ENOX1: variants seen among roughly 807,000 people sequenced by gnomAD.
ENOX1 encodes the protein candidate growth-related and time keeping constitutive hydroquinone (NADH) oxidase.
In ENOX1, 42 loss-of-function variants were observed where a neutral mutation model predicts 82.5. The ratio of observed to expected loss-of-function variants is 0.51; its 90% confidence interval spans 0.40 to 0.66. ENOX1 has a LOEUF of 0.66. Among genes scored for constraint, ENOX1 ranks in the 30% least tolerant of loss-of-function variants. The probability of loss-of-function intolerance (pLI) is 0.00; values close to 1 mark genes in which losing one functional copy is unlikely to be tolerated. For missense variants in ENOX1, 608 were observed against 811.6 expected (o/e 0.75, Z 3.05); for synonymous variants, 271 against 282.2 (o/e 0.96, Z 0.40).
chr13:43,488,433 C>T (rs1392769254), intron 2 of ENOX1, among the ~76,000 whole-genome samples: 1 of 152,194 alleles, frequency 6.6e-6, no homozygotes, highest in Non-Finnish European at 1.5e-5. Flanking sequence ...ACTTTCTAGC[C>T]TCCAGGACTG....
intron 2 of ENOX1, among the ~76,000 whole-genome samples, chr13:43,635,307 C>A (rs186700629): frequency 4.5e-4 from 69 of 152,220 alleles, no homozygotes; most frequent in Admixed American, 8.5e-4. Flanking sequence ...TTTGGTGCCA[C>A]CAGAAGAGAG....
intron 2 of ENOX1, among the ~76,000 whole-genome samples, chr13:43,665,709 TCTGCTAC>T (rs1378718065): frequency 0.013 from 1,979 of 151,816 alleles, 42 homozygotes; most frequent in African/African-American, 0.045. Flanking sequence ...AAAAACCCCA[TCTGCTAC>T]TAATTTTAAA....
intron 2 of ENOX1, among the ~76,000 whole-genome samples, chr13:43,623,682 TCA>T (rs1057259749): frequency 2.0e-5 from 3 of 152,092 alleles, no homozygotes; most frequent in Non-Finnish European, 4.4e-5. Flanking sequence ...GAGCTAAAAT[TCA>T]CAGTGTGAGT....
intron 11 of ENOX1, among the ~76,000 whole-genome samples, chr13:43,312,741 G>T (rs76484740): frequency 0.017 from 2,528 of 152,190 alleles, 51 homozygotes; most frequent in African/African-American, 0.057. Context: ...CAAATGGGTG[G>T]TACCAATTTC....
At chr13:43,672,086 T>A (rs1320210338) in intron 1 of ENOX1, among the ~76,000 whole-genome samples, 1 of 152,154 alleles carries the variant, frequency 6.6e-6, no homozygotes, top group Non-Finnish European at 1.5e-5. Flanking sequence ...TTTAGAAACC[T>A]ACCCAATCTA....
chr13:43,657,117 T>C (rs2084473310), intron 2 of ENOX1, among the ~76,000 whole-genome samples: 1 of 152,192 alleles, frequency 6.6e-6, no homozygotes, highest in Admixed American at 6.5e-5. Flanking sequence ...TGTCATCTCA[T>C]CTCATAAAAA....
chr13:43,597,063 C>G (rs547683903), intron 2 of ENOX1, among the ~76,000 whole-genome samples: 2 of 152,028 alleles, frequency 1.3e-5, no homozygotes, highest in South Asian at 4.2e-4. Context: ...CGTCAGAAGG[C>G]GAAGGGGAAG....
chr13:43,549,714 G>C (rs2079110557), intron 2 of ENOX1, among the ~76,000 whole-genome samples: 1 of 152,174 alleles, frequency 6.6e-6, no homozygotes, highest in Admixed American at 6.5e-5. Context: ...TATGCTCTGA[G>C]CCTAATGCTC....
chr13:43,493,160 A>G (rs1593473629), intron 2 of ENOX1, among the ~76,000 whole-genome samples: 1 of 149,886 alleles, frequency 6.7e-6, no homozygotes, highest in South Asian at 2.1e-4. Context: ...CCCCCCTCCC[A>G]CTCCCTCTCC....
At chr13:43,223,025 T>C (rs2041867658) in intron 16 of ENOX1, among the ~76,000 whole-genome samples, 1 of 152,180 alleles carries the variant, frequency 6.6e-6, no homozygotes, top group Admixed American at 6.5e-5. Flanking sequence ...TTAGATCCAT[T>C]TAAGAGGTTA....
chr13:43,538,149 G>A (rs920841691), intron 2 of ENOX1, among the ~76,000 whole-genome samples: 5 of 152,274 alleles, frequency 3.3e-5, no homozygotes, highest in South Asian at 4.2e-4. Context: ...GTGTGTGCAC[G>A]CTGATATAGC....
intron 1 of ENOX1, among the ~76,000 whole-genome samples, chr13:43,683,386 G>C (rs893219973): frequency 6.6e-6 from 1 of 152,124 alleles, no homozygotes; most frequent in Non-Finnish European, 1.5e-5. Context: ...CTGGTGATGG[G>C]GAGAGATGCA....
chr13:43,725,451 C>T (rs553488639), intron 1 of ENOX1, among the ~76,000 whole-genome samples: 4 of 152,224 alleles, frequency 2.6e-5, no homozygotes, highest in Non-Finnish European at 5.9e-5. Context: ...GGGACTTAAA[C>T]AGAGGGACCT....
At chr13:43,580,336 G>A (rs999613338) in intron 2 of ENOX1, among the ~76,000 whole-genome samples, 1 of 152,144 alleles carries the variant, frequency 6.6e-6, no homozygotes, top group Admixed American at 6.5e-5. Context: ...TTTGTAAACA[G>A]TGGACACTTT....
intron 15 of ENOX1, among the ~76,000 whole-genome samples, chr13:43,235,699 TCCAGCCTGGGC>T (rs2042508780): frequency 6.9e-6 from 1 of 144,628 alleles, no homozygotes; most frequent in Non-Finnish European, 1.5e-5. Flanking sequence ...GCCATTGCAC[TCCAGCCTGGGC>T]AACAGAGTGA....
chr13:43,292,939 A>G (rs9567144), intron 12 of ENOX1, among the ~76,000 whole-genome samples: 75,554 of 151,610 alleles, frequency 0.5, 19,066 homozygotes, highest in East Asian at 0.69. Context: ...CACTAGCCCC[A>G]ACATGGCCAC....
At chr13:43,536,028 C>T (rs369185031) in intron 2 of ENOX1, among the ~76,000 whole-genome samples, 4 of 152,072 alleles carry the variant, frequency 2.6e-5, no homozygotes, top group Non-Finnish European at 5.9e-5. Flanking sequence ...AAATGAGGTT[C>T]TGTCTTGCAC....
chr13:43,264,579 TATA>T (rs1226870724), intron 14 of ENOX1, among the ~76,000 whole-genome samples: 1 of 152,236 alleles, frequency 6.6e-6, no homozygotes, highest in Non-Finnish European at 1.5e-5. Flanking sequence ...ACAAGAAATA[TATA>T]ATTTCTCCTA....
At chr13:43,417,895 T>G (rs1475056182) in intron 3 of ENOX1, among the ~76,000 whole-genome samples, 1 of 152,210 alleles carries the variant, frequency 6.6e-6, no homozygotes, top group Non-Finnish European at 1.5e-5. Flanking sequence ...TATTTCATTT[T>G]CCACCATTCC....
Sources: gnomAD v4.1 joint callset for allele counts (sites outside exome capture counted in the v4.1 genomes callset) on GRCh38, gnomAD v4.1.1 for gene constraint, MANE v1.5 for transcripts, NCBI Gene and HGNC (gene_info 2026-07-23, HGNC 2026-07-21) for gene names.